Variants in NSD1 observed in about 807,000 individuals in gnomAD.
NSD1 encodes the protein nuclear receptor binding SET domain protein 1, also known as histone-lysine N-methyltransferase, H3 lysine-36 specific.
In NSD1, 26 loss-of-function variants were observed where a neutral mutation model predicts 242.7. That is an observed-to-expected ratio of 0.11 (90% CI 0.08 to 0.15). The LOEUF is 0.15. Among genes scored for constraint, NSD1 ranks in the 10% least tolerant of loss-of-function variants. NSD1 has a pLI of 1.00. For missense variants in NSD1, 2,495 were observed against 3,272.8 expected, an observed-to-expected ratio of 0.76 and a Z score of 5.80; for synonymous variants, 1,106 against 1,178.1, an observed-to-expected ratio of 0.94 and a Z score of 1.25.
intron 21 of NSD1, 57 bp downstream of exon 21, chr5:177,288,982 C>A: frequency 8.5e-7 from 1 of 1,170,096 alleles, no homozygotes; most frequent in Non-Finnish European, 1.3e-6. Flanking sequence ...CCCTCCCTAA[C>A]AGTGTTAGGG....
chr5:177,210,639 C>T lies in NSD1; in HGVS notation c.2240C>T (p.Thr747Ile). 1.9e-6 allele frequency: 3 copies of T among 1,614,124 alleles called. No homozygotes were observed. The highest frequency in any genetic ancestry group is 1.7e-6 in the Non-Finnish European group (2 of 1,180,020). The change falls in exon 5 of 23, where the codon ACA becomes ATA. Residue 747 changes from threonine to isoleucine, a missense_variant. Coordinates refer to ENST00000439151, the MANE Select transcript of NSD1 (RefSeq NM_022455.5). ...TLVHKPQSDFTNDALSPKFNL... is the reference protein window; with the variant it reads ...TLVHKPQSDFINDALSPKFNL... Reference sequence around the variant, plus strand: ...GTTCACAAACCCCAGTCAGATTTTACAAATGATGCTCTCTCTCCAAAATTC... The same window carrying T: ...GTTCACAAACCCCAGTCAGATTTTATAAATGATGCTCTCTCTCCAAAATTC...
intron 14 of NSD1, chr5:177,266,080 C>A (rs1757420604): frequency 2.7e-6 from 3 of 1,123,526 alleles, no homozygotes; most frequent in Non-Finnish European, 4.1e-6. Flanking sequence ...ACTGCCGGTC[C>A]TCGGTGGCCG....
At chr5:177,231,823 T>C (rs925791351) in intron 5 of NSD1, among the ~76,000 whole-genome samples, 2 of 152,194 alleles carry the variant, frequency 1.3e-5, no homozygotes, top group Non-Finnish European at 2.9e-5. Context: ...TATTAAATCT[T>C]ATTCTCCTGC....
intron 2 of NSD1, among the ~76,000 whole-genome samples, chr5:177,156,471 C>T (rs947412709): frequency 5.3e-5 from 8 of 152,072 alleles, no homozygotes; most frequent in Non-Finnish European, 1.2e-4. Context: ...AAGCCTCCGC[C>T]GGGCCTTTTT....
At chr5:177,254,461 G>A (rs1363039289) in intron 12 of NSD1, among the ~76,000 whole-genome samples, 2 of 151,654 alleles carry the variant, frequency 1.3e-5, no homozygotes, top group South Asian at 4.2e-4. Flanking sequence ...GTGCAGTGGC[G>A]TGATCTCAGC....
chr5:177,184,913 T>C (rs1173828740), intron 2 of NSD1, among the ~76,000 whole-genome samples: 1 of 152,174 alleles, frequency 6.6e-6, no homozygotes, highest in Non-Finnish European at 1.5e-5. Flanking sequence ...ATGGGTAGTT[T>C]AAGCTGTGGA....
chr5:177,164,775 C>T (rs995640652), intron 2 of NSD1, among the ~76,000 whole-genome samples: 10 of 151,902 alleles, frequency 6.6e-5, no homozygotes, highest in Non-Finnish European at 1.3e-4. Context: ...GAAACTCCAT[C>T]TCTACTAAAA....
chr5:177,236,409 A>G (rs985288572), intron 6 of NSD1, among the ~76,000 whole-genome samples: 1 of 152,236 alleles, frequency 6.6e-6, no homozygotes, highest in African/African-American at 2.4e-5. Context: ...ACATATTTAC[A>G]TCTTATATAA....
chr5:177,287,300 T>A (rs1416401700), intron 20 of NSD1, among the ~76,000 whole-genome samples: 1 of 152,250 alleles, frequency 6.6e-6, no homozygotes, highest in East Asian at 1.9e-4. Flanking sequence ...AAGCACATCG[T>A]ATCTATAAAA....
chr5:177,218,792 ATC>A (rs1562222893), intron 5 of NSD1, among the ~76,000 whole-genome samples: 1 of 150,930 alleles, frequency 6.6e-6, no homozygotes, highest in Non-Finnish European at 1.5e-5. Context: ...GATGGTCTCC[ATC>A]TCCTGACCTT....
At chr5:177,155,074 T>C (rs1758018737) in intron 2 of NSD1, among the ~76,000 whole-genome samples, 1 of 151,628 alleles carries the variant, frequency 6.6e-6, no homozygotes. Flanking sequence ...CACTGCAACC[T>C]GTACCTCCTG....
chr5:177,198,566 T>C (rs1381364563), intron 3 of NSD1, among the ~76,000 whole-genome samples: 1 of 152,190 alleles, frequency 6.6e-6, no homozygotes, highest in East Asian at 1.9e-4. Context: ...GTATTCTTAG[T>C]ATATTTAGTG....
chr5:177,266,083 G>A (rs1186294346), intron 14 of NSD1: 4 of 1,124,090 alleles, frequency 3.6e-6, no homozygotes, highest in East Asian at 2.4e-5. Flanking sequence ...GCCGGTCCTC[G>A]GTGGCCGTCA....
intron 2 of NSD1, among the ~76,000 whole-genome samples, chr5:177,143,389 T>C (rs781416466): frequency 6.6e-6 from 1 of 152,150 alleles, no homozygotes; most frequent in Non-Finnish European, 1.5e-5. Flanking sequence ...TGGTGCGATC[T>C]TGGCTCACTG....
At chr5:177,180,971 G>A (rs548639774) in intron 2 of NSD1, among the ~76,000 whole-genome samples, 28 of 151,842 alleles carry the variant, frequency 1.8e-4, no homozygotes, top group African/African-American at 5.8e-4. Context: ...GTGAGCCACC[G>A]TGCCCGGCTG....
chr5:177,161,704 T>C (rs986926692), intron 2 of NSD1, among the ~76,000 whole-genome samples: 9 of 151,350 alleles, frequency 5.9e-5, no homozygotes, highest in African/African-American at 2.2e-4. Context: ...TTGTTTTTGT[T>C]TTTTGAGATA....
chr5:177,288,094 A>G (rs1172518780), intron 20 of NSD1, among the ~76,000 whole-genome samples: 1 of 152,212 alleles, frequency 6.6e-6, no homozygotes, highest in African/African-American at 2.4e-5. Flanking sequence ...GGCCTCCCAT[A>G]ACTGGCTTTT....
Position 177,134,361 on chromosome 5 carries a change from G to T in NSD1, c.-18+409G>T. On this transcript the variant is annotated intron_variant, in intron 1 of 22. Coordinates refer to ENST00000439151, the MANE Select transcript of NSD1 (RefSeq NM_022455.5). The surrounding 1 kb of genome is among the most constrained non-coding windows in gnomAD (Gnocchi z 4.2). ...GAGGTGCTGCCGCGGCTGCGGGAAG[G>T]AGCGCGGCCCGGGCAGGCGGCGGCG... is the stretch of plus-strand genomic sequence containing the variant. 6.5e-6 allele frequency: 1 copy of T among 152,758 alleles called. No homozygotes were observed. The highest frequency in any genetic ancestry group is 1.9e-4 in the South Asian group (1 of 5,342). 9.5% of individuals were successfully genotyped at this position (152,758 alleles called of 1,614,324 possible). A position where few individuals can be genotyped will look rare whatever the true frequency, so the allele number is the denominator to read the frequency against.
At chr5:177,208,671 A>G (rs559709920) in intron 4 of NSD1, among the ~76,000 whole-genome samples, 55 of 150,604 alleles carry the variant, frequency 3.7e-4, no homozygotes, top group Non-Finnish European at 6.4e-4. Flanking sequence ...TTTTTATGCA[A>G]CTGAACATGT....
Sources: allele counts gnomAD v4.1 joint callset (sites outside exome capture counted in the v4.1 genomes callset), GRCh38; gene constraint gnomAD v4.1.1; non-coding constraint Gnocchi (gnomAD v3.1); transcripts MANE v1.5; gene names NCBI Gene and HGNC (gene_info 2026-07-23, HGNC 2026-07-21).